Variants in XXYLT1 observed in about 807,000 individuals in gnomAD.
XXYLT1 encodes the protein xyloside xylosyltransferase 1, also known as UDP-xylose:alpha-xyloside alpha-1,3-xylosyltransferase.
A neutral mutation model predicts 28.9 loss-of-function variants in XXYLT1; 20 were observed. The observed-to-expected ratio is 0.69, with a 90% CI of 0.49 to 1.00. The LOEUF (loss-of-function observed/expected upper bound fraction) is 1.00. Ranked by LOEUF, XXYLT1 falls within the 50% of genes least tolerant of loss-of-function variation. The probability of loss-of-function intolerance (pLI) is 0.00; values close to 1 mark genes in which losing one functional copy is unlikely to be tolerated. For synonymous variants in XXYLT1, 257 were observed against 253.8 expected (o/e 1.01, Z -0.12); for missense variants, 542 against 560.1 (o/e 0.97, Z 0.33).
intron 3 of XXYLT1, among the ~76,000 whole-genome samples, chr3:195,147,702 G>A (rs1719939625): frequency 6.6e-6 from 1 of 152,188 alleles, no homozygotes; most frequent in African/African-American, 2.4e-5. Flanking sequence ...CAGCACCGCG[G>A]AGGAAACGCC....
chr3:195,098,666 G>C (rs1716594533), intron 3 of XXYLT1, among the ~76,000 whole-genome samples: 2 of 152,250 alleles, frequency 1.3e-5, no homozygotes, highest in South Asian at 4.1e-4. Flanking sequence ...TGCTGTCAAG[G>C]TCTCGGGAGC....
chr3:195,268,620 C>G (rs1308291923), intron 1 of XXYLT1, among the ~76,000 whole-genome samples: 1 of 151,418 alleles, frequency 6.6e-6, no homozygotes, highest in Non-Finnish European at 1.5e-5. Context: ...AAAGAAGTAA[C>G]GGGAGCAATT....
At chr3:195,073,593 G>A (rs1485503588) in intron 3 of XXYLT1, among the ~76,000 whole-genome samples, 2 of 152,080 alleles carry the variant, frequency 1.3e-5, no homozygotes, top group East Asian at 3.9e-4. Flanking sequence ...GGAGACCCAC[G>A]GTAGAGGGGA....
At chr3:195,163,019 A>G (rs1042798826) in intron 2 of XXYLT1, among the ~76,000 whole-genome samples, 1 of 152,078 alleles carries the variant, frequency 6.6e-6, no homozygotes, top group African/African-American at 2.4e-5. Context: ...TAAAAGCTTA[A>G]ATTCTTTCCT....
intron 3 of XXYLT1, among the ~76,000 whole-genome samples, chr3:195,111,495 T>C (rs140495938): frequency 3.3e-5 from 5 of 152,094 alleles, no homozygotes; most frequent in Non-Finnish European, 7.4e-5. Context: ...CTGAGTGGGC[T>C]GGGCCTGTGT....
intron 3 of XXYLT1, chr3:195,096,145 A>G (rs959098742): frequency 2.6e-5 from 4 of 152,290 alleles, no homozygotes; most frequent in Admixed American, 2.0e-4. Flanking sequence ...CACACAGACA[A>G]AAGCAAAGCC....
chr3:195,095,462 AG>A (rs1450035357), intron 3 of XXYLT1: 1 of 153,862 alleles, frequency 6.5e-6, no homozygotes, highest in Non-Finnish European at 1.5e-5. Flanking sequence ...TGGTCAGGGA[AG>A]GCAGGGGGAC....
intron 3 of XXYLT1, among the ~76,000 whole-genome samples, chr3:195,074,742 C>T (rs6806859): frequency 0.011 from 1,693 of 152,298 alleles, 23 homozygotes; most frequent in African/African-American, 0.039. Flanking sequence ...GGGGCAGTCT[C>T]GAGCTCTTCA....
chr3:195,179,761 C>CA lies in XXYLT1; in HGVS notation c.653-23181dup, dbSNP rs1249411726. ...TTTCATCCTGCCCATGAGAAAAGCA[C>CA]AAAAAAGGTGATTTTCCAGATTCCA... On this transcript the variant is annotated intron_variant, in intron 2 of 3. Coordinates refer to ENST00000310380, the MANE Select transcript of XXYLT1 (RefSeq NM_152531.5). Among the ~76,000 whole-genome samples the CA allele has an allele frequency of 4.6e-5, 7 of 152,004 alleles. No homozygotes were observed. In the East Asian group the frequency reaches 5.8e-4, roughly 13 times the overall value.
In XXYLT1 at chr3:195,180,735, C is replaced by A. The variant is rs912419841; in HGVS notation, c.653-24154G>T. On this transcript the variant is annotated intron_variant, in intron 2 of 3. Transcript: ENST00000310380. The surrounding 1 kb of genome is among the most constrained non-coding windows in gnomAD (Gnocchi z 5.8). ...GGGAAAGGCGCCTGCCCACTGCCCC[C>A]ACCCCTGCAAGCACACACCTGCTCG... is the stretch of plus-strand genomic sequence containing the variant. Among the ~76,000 whole-genome samples the A allele has an allele frequency of 1.3e-5, 2 of 152,194 alleles. No individual in the cohort carries two copies. Among genetic ancestry groups the A allele is most frequent in the African/African-American group, 4.8e-5 (2 of 41,448 alleles).
chr3:195,164,446 G>A (rs889266515), intron 2 of XXYLT1, among the ~76,000 whole-genome samples: 1 of 152,212 alleles, frequency 6.6e-6, no homozygotes, highest in Non-Finnish European at 1.5e-5. Context: ...CCATCCTGAA[G>A]GACTACTGTC....
chr3:195,110,273 T>TGTGTGGTGTATGTGTGCGTGTGTGTA (rs1553803723), intron 3 of XXYLT1, among the ~76,000 whole-genome samples: 4 of 6,764 alleles, frequency 5.9e-4, no homozygotes, highest in East Asian at 3.1e-3. Flanking sequence ...GGGTGTGTGG[T>TGTGTGGTGTATGTGTGCGTGTGTGTA]GTGTGTGGGG....
intron 3 of XXYLT1, among the ~76,000 whole-genome samples, chr3:195,148,584 C>T (rs1466095579): frequency 6.6e-6 from 1 of 152,154 alleles, no homozygotes; most frequent in African/African-American, 2.4e-5. Flanking sequence ...GGTTCCCTTA[C>T]AACGGAGGGC....
intron 3 of XXYLT1, among the ~76,000 whole-genome samples, chr3:195,126,064 T>A (rs1718603580): frequency 6.6e-6 from 1 of 152,196 alleles, no homozygotes; most frequent in African/African-American, 2.4e-5. Context: ...TACGCCCAAA[T>A]CACATGCATG....
chr3:195,103,032 G>T (rs901590058), intron 3 of XXYLT1, among the ~76,000 whole-genome samples: 4 of 152,328 alleles, frequency 2.6e-5, no homozygotes, highest in Admixed American at 2.6e-4. Context: ...AAGTGAGAAT[G>T]ACTGTTTTCT....
chr3:195,145,304 G>C (rs1361811835), intron 3 of XXYLT1, among the ~76,000 whole-genome samples: 3 of 152,068 alleles, frequency 2.0e-5, no homozygotes, highest in Non-Finnish European at 4.4e-5. Flanking sequence ...ACGGTTACCA[G>C]CATTGATGGG....
intron 2 of XXYLT1, among the ~76,000 whole-genome samples, chr3:195,183,903 A>G (rs1308867955): frequency 6.6e-6 from 1 of 152,220 alleles, no homozygotes; most frequent in Non-Finnish European, 1.5e-5. Context: ...CCAGGATCGA[A>G]GGGCTATGTG....
rs762328656 is a variant in XXYLT1 at position 195,156,571 on chromosome 3, C to T, written c.663G>A (p.Gln221=). 21 of 1,614,096 alleles carry T rather than the reference C, an allele frequency of 1.3e-5. No individual in the cohort carries two copies. The highest frequency in any genetic ancestry group is 1.6e-4 in the Middle Eastern group (1 of 6,084). Residue 221 remains glutamine (Q), a synonymous_variant, in exon 3 of 4, where the codon CAG becomes CAA. Transcript: ENST00000310380. Reference sequence around the variant, plus strand: ...TCAGGTCTAGGTCCAGCTGAATGATCTGCAGGATCTCTGCGGGAAAGAGAA... The same window carrying T: ...TCAGGTCTAGGTCCAGCTGAATGATTTGCAGGATCTCTGCGGGAAAGAGAA... ...MHQIMPKEIL[Q]IIQLDLDLKF...
intron 3 of XXYLT1, among the ~76,000 whole-genome samples, chr3:195,128,808 G>C (rs1361678208): frequency 6.6e-6 from 1 of 152,138 alleles, no homozygotes; most frequent in Non-Finnish European, 1.5e-5. Flanking sequence ...TAAGCTCCTT[G>C]AAGGTGGAGA....
Sources: gnomAD v4.1 joint callset for allele counts (sites outside exome capture counted in the v4.1 genomes callset) on GRCh38, gnomAD v4.1.1 for gene constraint, Gnocchi (gnomAD v3.1) non-coding constraint, MANE v1.5 for transcripts, NCBI Gene and HGNC (gene_info 2026-07-23, HGNC 2026-07-21) for gene names.